Variants in ARAP2 observed in about 807,000 individuals in gnomAD.
ARAP2 encodes ArfGAP with RhoGAP domain, ankyrin repeat and PH domain 2.
A neutral mutation model predicts 194.5 loss-of-function variants in ARAP2; 148 were observed. The observed-to-expected ratio is 0.76, with a 90% CI of 0.67 to 0.87. ARAP2 has a LOEUF of 0.87. Among genes scored for constraint, ARAP2 ranks in the 40% least tolerant of loss-of-function variants. The pLI is 0.00. For missense variants in ARAP2, 2,128 were observed against 1,989.7 expected, an observed-to-expected ratio of 1.07 and a Z score of -1.32; for synonymous variants, 695 against 683.5, an observed-to-expected ratio of 1.02 and a Z score of -0.26.
Position 36,244,286 on chromosome 4 carries a change from A to AGG in ARAP2, c.-269_-268dup, listed in dbSNP as rs1215487368. The stretch of plus-strand genomic sequence containing the variant: ...CGCTCGGTCCTCGCCCCTCTGCCGG[A>AGG]GGCGCCAGGCCTCCTCTTTCCCGGT... On this transcript the variant is annotated 5_prime_UTR_variant, in exon 1 of 33. Transcript: ENST00000303965. 6.6e-6 allele frequency: 1 copy of AGG among 151,722 alleles called. No individual in the cohort carries two copies. Among genetic ancestry groups the AGG allele is most frequent in the Non-Finnish European group, 1.5e-5 (1 of 67,906 alleles). The allele number at this position is 151,722 out of a possible 1,614,324, so 9.4% of individuals were successfully genotyped here.
intron 19 of ARAP2, among the ~76,000 whole-genome samples, chr4:36,143,400 T>A (rs1270067445): frequency 6.6e-6 from 1 of 151,776 alleles, no homozygotes; most frequent in Non-Finnish European, 1.5e-5. Flanking sequence ...GAACACTTGT[T>A]GCTTTATATC....
intron 20 of ARAP2, among the ~76,000 whole-genome samples, chr4:36,131,403 TA>T (rs1424674999): frequency 6.6e-6 from 1 of 150,530 alleles, no homozygotes. Flanking sequence ...TCATATGTTA[TA>T]TAGGACTATA....
intron 6 of ARAP2, among the ~76,000 whole-genome samples, chr4:36,203,732 G>A (rs1378487145): frequency 6.6e-6 from 1 of 152,074 alleles, no homozygotes; most frequent in African/African-American, 2.4e-5. Context: ...CGTCTTACAA[G>A]AAACAAATAG....
rs1578410200 is a variant in ARAP2 at position 36,244,326 on chromosome 4, C to G, written c.-307G>C. ...TCTTTCCCGGTCCCCGCCGGCTGTCCGCAGTCGCCTCTGCTGCCTGGCGGC... is the reference window on the plus strand; with the variant it reads ...TCTTTCCCGGTCCCCGCCGGCTGTCGGCAGTCGCCTCTGCTGCCTGGCGGC... On this transcript the variant is annotated 5_prime_UTR_variant, in exon 1 of 33. Transcript: ENST00000303965. 3 of 151,784 alleles carry G rather than the reference C, an allele frequency of 2.0e-5. No homozygotes were observed. The East Asian group carries it at 5.9e-4, about 30-fold the overall frequency. The allele number at this position is 151,784 out of a possible 1,614,324, so 9.4% of individuals were successfully genotyped here.
At chr4:36,065,239 G>C (rs191498781), downstream of ARAP2, 15 of 385,596 alleles carry the variant, frequency 3.9e-5, 1 homozygote, top group East Asian at 1.1e-3. Flanking sequence ...TGGAGCGGGA[G>C]AAGCAGTTCA....
rs566838949 is a variant in ARAP2, at chr4:36,071,414, A to G, written c.4743+2275T>C. Among the ~76,000 whole-genome samples, 3 of 152,252 alleles carry G rather than the reference A, an allele frequency of 2.0e-5. No individual in the cohort carries two copies. In the East Asian group the frequency reaches 5.8e-4, roughly 29 times the overall value. On this transcript the variant is annotated intron_variant, in intron 32 of 32. Transcript: ENST00000303965. ...TCTTCAGCATTCTGTTTGCCTCTTCATGTGTGATTTCCTCGGCCAACAACT... is the reference window on the plus strand; with the variant it reads ...TCTTCAGCATTCTGTTTGCCTCTTCGTGTGTGATTTCCTCGGCCAACAACT...
rs765166532 is a variant in ARAP2, at chr4:36,107,586, C to G, written c.4264G>C (p.Asp1422His). 2 of 1,609,876 alleles carry G rather than the reference C, an allele frequency of 1.2e-6. No homozygotes were observed. Among genetic ancestry groups the G allele is most frequent in the South Asian group, 2.2e-5 (2 of 90,628 alleles). Residue 1422 changes from aspartate to histidine, a missense_variant, in exon 27 of 33, where the codon GAC becomes CAC. Coordinates refer to ENST00000303965, the MANE Select transcript of ARAP2 (RefSeq NM_015230.4). Reference protein sequence around the residue: ...YLVVKRFLTADTIKHCSDRST... With the variant: ...YLVVKRFLTAHTIKHCSDRST... ...CTACCACTGCAGTGTTTAATTGTGT[C>G]AGCGGTTAAGAATCTCTTCACCACC...
At position 36,126,581 on chromosome 4, in the gene ARAP2, A is replaced by G. The variant is rs7669826; in HGVS notation, c.3641-1614T>C. On this transcript the variant is annotated intron_variant, in intron 21 of 32. Coordinates refer to ENST00000303965, the MANE Select transcript of ARAP2 (RefSeq NM_015230.4). ...TTTATGAATTCACTTAGACAGTACT[A>G]GTTTATTCTTTTCAGGCCCAACATG... Among the ~76,000 whole-genome samples the G allele has an allele frequency of 5.3e-3, 805 of 152,128 alleles. 11 individuals carry two copies. The highest frequency in any genetic ancestry group is 0.018 in the African/African-American group (759 of 41,540).
At chr4:36,069,214 T>G (rs987907964) in intron 32 of ARAP2, among the ~76,000 whole-genome samples, 2 of 152,154 alleles carry the variant, frequency 1.3e-5, no homozygotes, top group African/African-American at 2.4e-5. Context: ...AAAATTCAAG[T>G]GGAATAAAAA....
chr4:36,055,473 T>C (rs1331063854), intron 2 of ARAP2, among the ~76,000 whole-genome samples: 1 of 152,240 alleles, frequency 6.6e-6, no homozygotes, highest in Admixed American at 6.5e-5. Context: ...TTGTTATATG[T>C]CTAATTTCCT....
intron 1 of ARAP2, among the ~76,000 whole-genome samples, chr4:36,239,035 G>C (rs1349764012): frequency 6.6e-6 from 1 of 152,106 alleles, no homozygotes; most frequent in Non-Finnish European, 1.5e-5. Context: ...ATACACTTTG[G>C]GAGGCCAAGG....
At chr4:36,173,343 C>A (rs1291417654) in intron 9 of ARAP2, among the ~76,000 whole-genome samples, 2 of 152,080 alleles carry the variant, frequency 1.3e-5, no homozygotes, top group African/African-American at 2.4e-5. Context: ...TATTTGATTA[C>A]CTTATTTAAA....
chr4:36,180,101 G>A (rs565770476), intron 8 of ARAP2, among the ~76,000 whole-genome samples: 48 of 151,934 alleles, frequency 3.2e-4, no homozygotes, highest in Non-Finnish European at 5.6e-4. Context: ...GGTGACACCC[G>A]GTCTATACTA....
chr4:36,157,900 T>A (rs1195487529), intron 15 of ARAP2, among the ~76,000 whole-genome samples: 1 of 152,160 alleles, frequency 6.6e-6, no homozygotes, highest in Non-Finnish European at 1.5e-5. Flanking sequence ...CATCCTATCA[T>A]TCTTTTGATT....
intron 15 of ARAP2, among the ~76,000 whole-genome samples, chr4:36,156,417 A>AAGAAAG (rs1732468874): frequency 1.7e-4 from 1 of 5,910 alleles, no homozygotes; most frequent in Admixed American, 1.8e-3. Context: ...GAAAGAAAGA[A>AAGAAAG]AGAAAGAAAG....
At chr4:36,097,929 C>T (rs1715761690) in intron 27 of ARAP2, among the ~76,000 whole-genome samples, 1 of 151,996 alleles carries the variant, frequency 6.6e-6, no homozygotes, top group South Asian at 2.1e-4. Context: ...GAGCTATCAA[C>T]TTGTTATTAA....
chr4:36,082,199 C>T (rs1304049148), intron 30 of ARAP2, 52 bp downstream of exon 30: 5 of 1,514,056 alleles, frequency 3.3e-6, no homozygotes, highest in Non-Finnish European at 4.5e-6. Context: ...TATTCTTTTC[C>T]TGAAATTGTC....
intron 2 of ARAP2, among the ~76,000 whole-genome samples, chr4:36,217,018 T>C (rs1347864030): frequency 2.6e-5 from 4 of 152,232 alleles, no homozygotes; most frequent in African/African-American, 9.6e-5. Flanking sequence ...ATATTCTATC[T>C]TATTCTATAT....
intron 8 of ARAP2, among the ~76,000 whole-genome samples, chr4:36,013,064 A>C (rs1253718620): frequency 6.6e-6 from 1 of 152,190 alleles, no homozygotes; most frequent in East Asian, 1.9e-4. Context: ...TACATATTGA[A>C]TATATTTGTA....
Sources: allele counts gnomAD v4.1 joint callset (sites outside exome capture counted in the v4.1 genomes callset), GRCh38; gene constraint gnomAD v4.1.1; transcripts MANE v1.5; gene names NCBI Gene and HGNC (gene_info 2026-07-23, HGNC 2026-07-21).